The following TUBGCP6 variants were observed in gnomAD, a reference collection of about 807,000 sequenced individuals.
TUBGCP6 encodes tubulin gamma complex component 6, also known as gamma-tubulin complex component 6.
Under a neutral mutation model 175.8 loss-of-function variants are expected in TUBGCP6, and 161 were observed. The observed-to-expected ratio is 0.92, with a 90% CI of 0.81 to 1.04. The LOEUF is 1.04. Ranked by LOEUF, TUBGCP6 falls within the 50% of genes least tolerant of loss-of-function variation. The pLI is 0.00. For missense variants in TUBGCP6, 2,572 were observed against 2,433.0 expected, an observed-to-expected ratio of 1.06 and a Z score of -1.20; for synonymous variants, 1,173 against 1,030.5, an observed-to-expected ratio of 1.14 and a Z score of -2.65.
In TUBGCP6 at chr22:50,222,882, A is replaced by G. The variant is rs1223731049; in HGVS notation, c.2271-290T>C. 18 of 376,122 alleles carry G rather than the reference A, an allele frequency of 4.8e-5. No homozygotes were observed. The East Asian group carries it at 7.2e-4, about 15-fold the overall frequency. 23.3% of individuals were successfully genotyped at this position (376,122 alleles called of 1,614,324 possible). On this transcript the variant is annotated intron_variant, in intron 13 of 24. Transcript: ENST00000248846. ...ATGAGATCCTGTGTGGCCTGAAGCAAGGGGTGAGCAGGAGGCCGAGGGCCC... is the reference window on the plus strand; with the variant it reads ...ATGAGATCCTGTGTGGCCTGAAGCAGGGGGTGAGCAGGAGGCCGAGGGCCC...
rs1188148463 is a variant in TUBGCP6, at chr22:50,217,703, A to G, written c.*33T>C. ...AGAGCTGCAGACAGGGTCCGAGAAC[A>G]CCTTTATTGTGCACGTCCCCCGCAG... On this transcript the variant is annotated 3_prime_UTR_variant, in exon 25 of 25. Coordinates refer to ENST00000248846, the MANE Select transcript of TUBGCP6 (RefSeq NM_020461.4). 2 of 1,599,002 alleles carry G rather than the reference A, an allele frequency of 1.3e-6. No individual in the cohort carries two copies. The highest frequency in any genetic ancestry group is 1.7e-6 in the Non-Finnish European group (2 of 1,169,146).
chr22:50,219,708 G>A lies in TUBGCP6; in HGVS notation c.4251C>T (p.Ala1417=). 1 of 1,613,706 alleles carries A rather than the reference G, an allele frequency of 6.2e-7. No individual in the cohort carries two copies. ...ACTGCCCTGCCAGGCCTGCCAGGTA[G>A]GCCTGCTCCCCACCCTGAGCCTCCG... ...SAAEAQGGEQ[A]YLAGLAGQYH... is the part of the protein sequence containing the mutation. The change falls in exon 18 of 25, where the codon GCC becomes GCT. Residue 1417 remains alanine, a synonymous_variant. Transcript: ENST00000248846.
chr22:50,222,377 G>A, intron 14 of TUBGCP6, 77 bp downstream of exon 14: 2 of 1,584,178 alleles, frequency 1.3e-6, no homozygotes, highest in Non-Finnish European at 1.7e-6. Flanking sequence ...GAGCATGTAG[G>A]TTTGTGTGCA....
chr22:50,244,474 C>T lies in TUBGCP6; in HGVS notation c.-15G>A. ...ATGCTGGCCATGCCCCTTCTCAGCT[C>T]CGGGCCCCCGGCGTGTGGGAAAACA... On this transcript the variant is annotated 5_prime_UTR_variant, in exon 1 of 25. Transcript: ENST00000248846. 6.3e-7 allele frequency: 1 copy of T among 1,595,950 alleles called. No homozygotes were observed. The highest frequency in any genetic ancestry group is 8.5e-7 in the Non-Finnish European group (1 of 1,171,386).
rs371196401 is a variant in TUBGCP6, at chr22:50,224,209, G to A, written c.2202C>T (p.Tyr734=). Reference sequence around the variant, plus strand: ...TCTCCCTGTCTCGGAGTTCACGGGCGTAGCTGAAGTCATCATCCAGCTCCT... The same window carrying A: ...TCTCCCTGTCTCGGAGTTCACGGGCATAGCTGAAGTCATCATCCAGCTCCT... The part of the protein sequence containing the change: ...RQEELDDDFS[Y]ARELRDRERR... Residue 734 remains tyrosine (Y), a synonymous_variant, in exon 13 of 25, where the codon TAC becomes TAT. Coordinates refer to ENST00000248846, the MANE Select transcript of TUBGCP6 (RefSeq NM_020461.4). The A allele has an allele frequency of 1.3e-4, 210 of 1,614,112 alleles. No homozygotes were observed. The highest frequency in any genetic ancestry group is 1.6e-4 in the Non-Finnish European group (186 of 1,180,026).
intron 10 of TUBGCP6, 36 bp downstream of exon 10, chr22:50,225,758 G>A: frequency 6.3e-7 from 1 of 1,586,826 alleles, no homozygotes; most frequent in Non-Finnish European, 8.6e-7. Context: ...AGAGGCAGGG[G>A]CGAAGAAAGC....
chr22:50,235,381 A>C (rs1275617760), intron 2 of TUBGCP6, among the ~76,000 whole-genome samples: 1 of 29,812 alleles, frequency 3.4e-5, no homozygotes, highest in Non-Finnish European at 5.9e-5. Context: ...GGGGGAGAGG[A>C]GCCTGAGCCC....
Position 50,218,368 on chromosome 22 carries a change from G to T in TUBGCP6, c.4989C>A (p.Phe1663Leu). 6.2e-7 allele frequency: 1 copy of T among 1,613,068 alleles called. No homozygotes were observed. Among genetic ancestry groups the T allele is most frequent in the East Asian group, 2.2e-5 (1 of 44,858 alleles). The change falls in exon 23 of 25, where the codon TTC becomes TTA. Residue 1663 changes from phenylalanine to leucine, a missense_variant. By Grantham distance (22) the Phe-to-Leu change is conservative. Transcript: ENST00000248846. ...CGTGCTTGAACAGCTGCAGCTGACG[G>T]AACTGCACAGAGCCGGCCATGTGGC... ...LLSHMAGSVQ[F>L]RQLQLFKHEM...
intron 3 of TUBGCP6, among the ~76,000 whole-genome samples, chr22:50,230,769 C>CAA (rs544032515): frequency 0.029 from 2,582 of 89,782 alleles, 59 homozygotes; most frequent in East Asian, 0.16. Flanking sequence ...ATCCTGTCTC[C>CAA]AAAAAAAAAA....
chr22:50,218,948 C>G, intron 20 of TUBGCP6, 51 bp from the exon 21 acceptor site: 1 of 1,585,064 alleles, frequency 6.3e-7, no homozygotes, highest in Non-Finnish European at 8.6e-7. Flanking sequence ...ACATGCCTGG[C>G]ACTCGCCGGC....
Position 50,224,418 on chromosome 22 carries a change from G to T in TUBGCP6, c.2068C>A (p.Arg690=), listed in dbSNP as rs774338870. The T allele has an allele frequency of 6.2e-7, 1 of 1,614,028 alleles. No homozygotes were observed. Among genetic ancestry groups the T allele is most frequent in the African/African-American group, 1.3e-5 (1 of 74,906 alleles). The change falls in exon 12 of 25, where the codon CGG becomes AGG. Residue 690 remains arginine (R), a splice_region_variant and synonymous_variant. Transcript: ENST00000248846. ...AAGGCCATCCGTTCTGACATCTGCC[G>T]GTCTACATTGGGACAGTAAGGGGCG... ...ASRVLSALSD[R]QMSERMALDA...
chr22:50,229,691 A>T (rs2064665033), intron 3 of TUBGCP6, 114 bp from the exon 4 acceptor site: 2 of 1,111,916 alleles, frequency 1.8e-6, no homozygotes, highest in African/African-American at 3.1e-5. Flanking sequence ...TGCCTCCAGG[A>T]CCCAAAAGCA....
At position 50,219,722 on chromosome 22, in the gene TUBGCP6, C is replaced by A; in HGVS notation, c.4237G>T (p.Gly1413Cys). 2.5e-6 allele frequency: 4 copies of A among 1,613,778 alleles called. No individual in the cohort carries two copies. The highest frequency in any genetic ancestry group is 3.4e-6 in the Non-Finnish European group (4 of 1,179,998). Reference sequence around the variant, plus strand: ...CCTGCCAGGTAGGCCTGCTCCCCACCCTGAGCCTCCGCCGCCGATGCCTCC... The same window carrying A: ...CCTGCCAGGTAGGCCTGCTCCCCACACTGAGCCTCCGCCGCCGATGCCTCC... Reference protein sequence around the residue: ...EAEASAAEAQGGEQAYLAGLA... With the variant: ...EAEASAAEAQCGEQAYLAGLA... Residue 1413 changes from glycine to cysteine, a missense_variant, in exon 18 of 25, where the codon GGT becomes TGT. Coordinates refer to ENST00000248846, the MANE Select transcript of TUBGCP6 (RefSeq NM_020461.4).
chr22:50,229,269 G>A lies in TUBGCP6; in HGVS notation c.1290+135C>T, dbSNP rs143108699. On this transcript the variant is annotated intron_variant, in intron 4 of 24. Coordinates refer to ENST00000248846, the MANE Select transcript of TUBGCP6 (RefSeq NM_020461.4). ...GACCCATCCCTCAAGAGCCACTATCGGGTTTCAGATGTTAGCAAGGAAAGA... is the reference window on the plus strand; with the variant it reads ...GACCCATCCCTCAAGAGCCACTATCAGGTTTCAGATGTTAGCAAGGAAAGA... The A allele has an allele frequency of 1.1e-4, 105 of 991,198 alleles. No homozygotes were observed. The African/African-American group carries it at 1.4e-3, about 14-fold the overall frequency. The allele number at this position is 991,198 out of a possible 1,614,324, so 61.4% of individuals were successfully genotyped here. A position where few individuals can be genotyped will look rare whatever the true frequency, so the allele number is the denominator to read the frequency against.
At position 50,221,452 on chromosome 22, in the gene TUBGCP6, G is replaced by C. The variant is rs1209668235; in HGVS notation, c.2907C>G (p.Pro969=). ...PAVATSPAPG[P]LQAAECSLGS... ...CCAAGCTGCACTCTGCAGCCTGCAG[G>C]GGCCCTGGTGCAGGTGAGGTGGCCA... is the stretch of plus-strand genomic sequence containing the variant. The change falls in exon 16 of 25, where the codon CCC becomes CCG. Residue 969 remains proline, a synonymous_variant. Coordinates refer to ENST00000248846, the MANE Select transcript of TUBGCP6 (RefSeq NM_020461.4). 4 of 1,594,964 alleles carry C rather than the reference G, an allele frequency of 2.5e-6. No homozygotes were observed. Among genetic ancestry groups the C allele is most frequent in the Non-Finnish European group, 3.4e-6 (4 of 1,173,282 alleles).
At position 50,226,102 on chromosome 22, in the gene TUBGCP6, T is replaced by C. The variant is rs2064603797; in HGVS notation, c.1781A>G (p.Asp594Gly). The C allele has an allele frequency of 6.2e-7, 1 of 1,614,154 alleles. No homozygotes were observed. The highest frequency in any genetic ancestry group is 1.6e-4 in the Middle Eastern group (1 of 6,062). Reference protein sequence around the residue: ...VPVFLKHIAHDIYVCGKTINL... With the variant: ...VPVFLKHIAHGIYVCGKTINL... Reference sequence around the variant, plus strand: ...AATGGTCTTTCCGCAGACGTATATGTCGTGGGCAATGTGCTTCAGAAACAC... The same window carrying C: ...AATGGTCTTTCCGCAGACGTATATGCCGTGGGCAATGTGCTTCAGAAACAC... The change falls in exon 9 of 25, where the codon GAC becomes GGC. Residue 594 changes from aspartate to glycine, a missense_variant. Asp to Gly is a moderately conservative substitution (Grantham distance 94, BLOSUM62 -1). Transcript: ENST00000248846.
intron 12 of TUBGCP6, 30 bp from the exon 13 acceptor site, chr22:50,224,286 A>C: frequency 6.2e-7 from 1 of 1,614,146 alleles, no homozygotes; most frequent in South Asian, 1.1e-5. Flanking sequence ...TGGCCTGTGA[A>C]ATCAGAACTG....
chr22:50,225,406 G>C (rs540040588), intron 10 of TUBGCP6, among the ~76,000 whole-genome samples: 1 of 152,094 alleles, frequency 6.6e-6, no homozygotes, highest in Admixed American at 6.5e-5. Context: ...TGCAAAGGGC[G>C]AAGGCCATCT....
rs1009140151 is a variant in TUBGCP6, at chr22:50,240,371, G to T, written c.742-4C>A. ...ACTGATCCACACTCGGTGGGACCTG[G>T]AGACACAGGGAAGGGCAAACCGCCA... On this transcript the variant is annotated splice_polypyrimidine_tract_variant and splice_region_variant and intron_variant, in intron 1 of 24. Coordinates refer to ENST00000248846, the MANE Select transcript of TUBGCP6 (RefSeq NM_020461.4). The T allele has an allele frequency of 1.2e-6, 2 of 1,612,226 alleles. No individual in the cohort carries two copies. Among genetic ancestry groups the T allele is most frequent in the African/African-American group, 2.7e-5 (2 of 74,288 alleles).
Sources: gnomAD v4.1 joint callset for allele counts (sites outside exome capture counted in the v4.1 genomes callset) on GRCh38, gnomAD v4.1.1 for gene constraint, MANE v1.5 for transcripts, NCBI Gene and HGNC (gene_info 2026-07-23, HGNC 2026-07-21) for gene names.